The following TTC4 variants were observed in gnomAD, a reference collection of about 807,000 sequenced individuals.
The protein encoded by TTC4 is hsp70/Hsp90 co-chaperone CNS1 homolog.
A neutral mutation model predicts 51.9 loss-of-function variants in TTC4; 36 were observed. The observed-to-expected ratio is 0.69, with a 90% CI of 0.53 to 0.92. The LOEUF is 0.92. Among genes scored for constraint, TTC4 ranks in the 40% least tolerant of loss-of-function variants. The probability of loss-of-function intolerance (pLI) is 0.00; values close to 1 mark genes in which losing one functional copy is unlikely to be tolerated. For synonymous variants in TTC4, 144 were observed against 164.2 expected (o/e 0.88, Z 0.94); for missense variants, 399 against 454.6 (o/e 0.88, Z 1.11).
At chr1:54,731,820 C>A in intron 7 of TTC4, 120 bp downstream of exon 7, 1 of 953,760 alleles carries the variant, frequency 1.0e-6, no homozygotes, top group Non-Finnish European at 1.5e-6. Flanking sequence ...GGTTTCACAC[C>A]ATCTGGTTTG....
rs373508924 is a variant in TTC4, at chr1:54,722,650, A to G, written c.470-25A>G. On this transcript the variant is annotated intron_variant, in intron 4 of 9. Transcript: ENST00000371281. ...TTCTTTCCATGCATGTTTTTCTTGA[A>G]TCCTAAGGGTTCTGGGTTCTGCAGG... 407 of 1,606,738 alleles carry G rather than the reference A, an allele frequency of 2.5e-4. 1 individual carries two copies. The highest frequency in any genetic ancestry group is 3.4e-4 in the Non-Finnish European group (397 of 1,178,186).
intron 4 of TTC4, 89 bp downstream of exon 4, chr1:54,721,329 G>A (rs758902828): frequency 8.3e-5 from 111 of 1,330,556 alleles, no homozygotes; most frequent in Non-Finnish European, 1.1e-4. Context: ...TTTGCAGTCT[G>A]GGTATTAAGT....
rs749080103 is a variant in TTC4 at position 54,741,477 on chromosome 1, T to G, written c.1128T>G (p.Asn376Lys). 1 of 1,614,064 alleles carries G rather than the reference T, an allele frequency of 6.2e-7. No individual in the cohort carries two copies. Among genetic ancestry groups the G allele is most frequent in the South Asian group, 1.1e-5 (1 of 91,076 alleles). Reference protein sequence around the residue: ...VCVGSSPFCKNFLRGRKVYQI... With the variant: ...VCVGSSPFCKKFLRGRKVYQI... ...TAGGATCCTCTCCTTTTTGCAAGAA[T>G]TTTCTCCGGGGGAGAAAGGTGTACC... is the stretch of plus-strand genomic sequence containing the variant. Residue 376 changes from asparagine (N) to lysine (K), a missense_variant, in exon 10 of 10, where the codon AAT becomes AAG. Around this residue, in one of 3 missense-constraint regions of TTC4, gnomAD observed 64 missense variants for 61.3 expected, o/e 1.04. Coordinates refer to ENST00000371281, the MANE Select transcript of TTC4 (RefSeq NM_004623.5).
At position 54,729,514 on chromosome 1, in the gene TTC4, C is replaced by T. The variant is rs142755275; in HGVS notation, c.681+1082C>T. ...CCTTGCTCTTAACCACTGGGTTGTA[C>T]AGCATCCTGAGAAAGTCTGACATTT... On this transcript the variant is annotated intron_variant, in intron 6 of 9. Coordinates refer to ENST00000371281, the MANE Select transcript of TTC4 (RefSeq NM_004623.5). Among the ~76,000 whole-genome samples, 12 of 152,220 alleles carry T rather than the reference C, an allele frequency of 7.9e-5. No individual in the cohort carries two copies. In the East Asian group the frequency reaches 2.1e-3, roughly 27 times the overall value.
chr1:54,740,227 G>A (rs1645996289), intron 9 of TTC4, among the ~76,000 whole-genome samples: 1 of 152,198 alleles, frequency 6.6e-6, no homozygotes, highest in Non-Finnish European at 1.5e-5. Flanking sequence ...GTACTGTTCA[G>A]TGGTGAGGCC....
chr1:54,740,859 C>T (rs895267625), intron 9 of TTC4, among the ~76,000 whole-genome samples: 1 of 152,122 alleles, frequency 6.6e-6, no homozygotes, highest in African/African-American at 2.4e-5. Context: ...CTCCCCAACC[C>T]CCATCACCAC....
rs1299820257 is a variant in TTC4, at chr1:54,733,482, C to T, written c.897-147C>T. ...CATAATAGGACAAGTGATACATATA[C>T]ACATTTGGGGTACTGCTGTCAAATG... is the stretch of plus-strand genomic sequence containing the variant. On this transcript the variant is annotated intron_variant, in intron 7 of 9. Coordinates refer to ENST00000371281, the MANE Select transcript of TTC4 (RefSeq NM_004623.5). 3 of 428,848 alleles carry T rather than the reference C, an allele frequency of 7.0e-6. No individual in the cohort carries two copies. In the Admixed American group the frequency reaches 1.3e-4, roughly 18 times the overall value. The allele number at this position is 428,848 out of a possible 1,614,324, so 26.6% of individuals were successfully genotyped here.
chr1:54,734,796 A>C (rs531187454), intron 8 of TTC4, among the ~76,000 whole-genome samples: 1 of 152,316 alleles, frequency 6.6e-6, no homozygotes, highest in Admixed American at 6.5e-5. Flanking sequence ...AACATTTGAG[A>C]GTAGGATGCC....
intron 5 of TTC4, 139 bp downstream of exon 5, chr1:54,722,938 A>C: frequency 8.7e-7 from 1 of 1,145,130 alleles, no homozygotes; most frequent in Non-Finnish European, 1.2e-6. Context: ...TCTGTGGAGC[A>C]CACAGACAAG....
chr1:54,742,221 ATCT>A lies in TTC4; in HGVS notation c.*712_*714del, dbSNP rs2101382665. 1 of 152,320 alleles carries A rather than the reference ATCT, an allele frequency of 6.6e-6. No individual in the cohort carries two copies. The highest frequency in any genetic ancestry group is 1.9e-4 in the East Asian group (1 of 5,196). 9.4% of individuals were successfully genotyped at this position (152,320 alleles called of 1,614,324 possible). On this transcript the variant is annotated 3_prime_UTR_variant, in exon 10 of 10. Coordinates refer to ENST00000371281, the MANE Select transcript of TTC4 (RefSeq NM_004623.5). ...GATTTTGTGTCTTTTAAACTGGAAA[ATCT>A]TCTAGCATGTTGGGTTGTTACAGAG...
chr1:54,733,237 G>A (rs1374803214), intron 7 of TTC4, among the ~76,000 whole-genome samples: 1 of 150,782 alleles, frequency 6.6e-6, no homozygotes, highest in Admixed American at 6.6e-5. Context: ...GGCAATATAG[G>A]GAGACCCCCA....
At position 54,741,461 on chromosome 1, in the gene TTC4, C is replaced by T. The variant is rs1203027946; in HGVS notation, c.1112C>T (p.Ser371Phe). 6 of 1,614,182 alleles carry T rather than the reference C, an allele frequency of 3.7e-6. No individual in the cohort carries two copies. In the South Asian group the frequency reaches 6.6e-5, roughly 18 times the overall value. Residue 371 changes from serine to phenylalanine, a missense_variant, in exon 10 of 10, where the codon TCT (serine) becomes TTT (phenylalanine). Ser to Phe is a radical substitution (Grantham distance 155, BLOSUM62 -2). Around this residue, in one of 3 missense-constraint regions of TTC4, gnomAD observed 64 missense variants for 61.3 expected, o/e 1.04. Coordinates refer to ENST00000371281, the MANE Select transcript of TTC4 (RefSeq NM_004623.5). ...GCATTTTTGGTCTGTGTAGGATCCTCTCCTTTTTGCAAGAATTTTCTCCGG... is the reference window on the plus strand; with the variant it reads ...GCATTTTTGGTCTGTGTAGGATCCTTTCCTTTTTGCAAGAATTTTCTCCGG... ...TPAFLVCVGS[S>F]PFCKNFLRGR...
chr1:54,721,858 G>T lies in TTC4; in HGVS notation c.469+618G>T, dbSNP rs575359767. On this transcript the variant is annotated intron_variant, in intron 4 of 9. Transcript: ENST00000371281. ...TCCATGTCCCTCAGCTGTAGGAAAA[G>T]AAGGTACTGAACAAAGATTGGCTGA... Among the ~76,000 whole-genome samples the T allele has an allele frequency of 5.3e-5, 8 of 152,364 alleles. No homozygotes were observed. In the South Asian group the frequency reaches 1.7e-3, roughly 32 times the overall value.
chr1:54,722,363 G>T (rs1327862899), intron 4 of TTC4, among the ~76,000 whole-genome samples: 3 of 152,096 alleles, frequency 2.0e-5, no homozygotes, highest in Non-Finnish European at 2.9e-5. Flanking sequence ...GGTCTAGCTG[G>T]TAAATGACAC....
intron 8 of TTC4, 150 bp downstream of exon 8, chr1:54,733,860 G>C (rs781220677): frequency 7.9e-5 from 43 of 541,440 alleles, no homozygotes; most frequent in Non-Finnish European, 1.3e-4. Flanking sequence ...ACCATTTTTA[G>C]GTATATAGGT....
In TTC4 at chr1:54,726,369, A is replaced by G. The variant is rs779806252; in HGVS notation, c.595-1977A>G. Among the ~76,000 whole-genome samples the G allele has an allele frequency of 4.6e-5, 7 of 152,360 alleles. 1 individual carries two copies. Among genetic ancestry groups the G allele is most frequent in the Middle Eastern group, 6.8e-3 (2 of 294 alleles). ...CTATATCTAGCAAATCTATTCTTCA[A>G]AAATGAAAGAGTGGAAGAGAAGTAG... On this transcript the variant is annotated intron_variant, in intron 5 of 9. Transcript: ENST00000371281.
chr1:54,741,713 T>G lies in TTC4; in HGVS notation c.*200T>G. On this transcript the variant is annotated 3_prime_UTR_variant, in exon 10 of 10. Coordinates refer to ENST00000371281, the MANE Select transcript of TTC4 (RefSeq NM_004623.5). ...TCTGGCTGGTCTTCACTTTCCTCAG[T>G]TGATATAAAACTCTGGGTCTTGGCC... 1.7e-6 allele frequency: 1 copy of G among 595,192 alleles called. No individual in the cohort carries two copies. The highest frequency in any genetic ancestry group is 3.0e-6 in the Non-Finnish European group (1 of 336,044). The allele number at this position is 595,192 out of a possible 1,614,324, so 36.9% of individuals were successfully genotyped here.
chr1:54,736,174 AGGAGAGAGAGAGAGAGAG>A (rs1645930902), intron 8 of TTC4, among the ~76,000 whole-genome samples: 1 of 95,098 alleles, frequency 1.1e-5, no homozygotes. Flanking sequence ...AAAGAAAGAA[AGGAGAGAGAGAGAGAGAG>A]AGAGAGAGAG....
chr1:54,722,238 GCTGAAGCAAAGT>G (rs1228399441), intron 4 of TTC4, among the ~76,000 whole-genome samples: 1 of 151,866 alleles, frequency 6.6e-6, no homozygotes, highest in Middle Eastern at 3.2e-3. Context: ...TTGATGAATA[GCTGAAGCAAAGT>G]CTGCTTTTTC....
Sources: gnomAD v4.1 joint callset for allele counts (sites outside exome capture counted in the v4.1 genomes callset) on GRCh38, gnomAD v4.1.1 for gene constraint, gnomAD v4.1.1 regional missense constraint, MANE v1.5 for transcripts, NCBI Gene and HGNC (gene_info 2026-07-23, HGNC 2026-07-21) for gene names.